BBS9: variants seen among roughly 807,000 people sequenced by gnomAD.
BBS9 encodes the protein Bardet-Biedl syndrome 9.
BBS9 carries 89 observed loss-of-function variants against 117.7 expected under a neutral mutation model. That is an observed-to-expected ratio of 0.76 (90% CI 0.64 to 0.90). BBS9 has a LOEUF of 0.90. BBS9 is among the 40% of genes least tolerant of loss of function. The pLI, the probability that BBS9 is intolerant of heterozygous loss-of-function variation, is 0.00. For missense variants in BBS9, 982 were observed against 1,042.2 expected (o/e 0.94, Z 0.80); for synonymous variants, 379 against 370.9 (o/e 1.02, Z -0.25).
chr7:33,204,514 A>G (rs1047502734), intron 5 of BBS9, among the ~76,000 whole-genome samples: 3 of 152,032 alleles, frequency 2.0e-5, no homozygotes, highest in Non-Finnish European at 2.9e-5. Context: ...GGAAGCTGTT[A>G]TCACTTCTAA....
intron 5 of BBS9, among the ~76,000 whole-genome samples, chr7:33,180,251 A>C (rs1797907224): frequency 6.6e-6 from 1 of 152,124 alleles, no homozygotes; most frequent in African/African-American, 2.4e-5. Context: ...AGTAGGGGGT[A>C]CCTGTGTCAG....
At chr7:33,296,305 C>T (rs184917119) in intron 9 of BBS9, among the ~76,000 whole-genome samples, 11 of 152,212 alleles carry the variant, frequency 7.2e-5, no homozygotes, top group African/African-American at 2.2e-4. Context: ...ATATCACATA[C>T]CGTATGTGTA....
chr7:33,493,818 C>T (rs1214740888), intron 19 of BBS9, among the ~76,000 whole-genome samples: 4 of 152,140 alleles, frequency 2.6e-5, no homozygotes, highest in Non-Finnish European at 5.9e-5. Context: ...ATTCGTGTAC[C>T]CTGTTCATGC....
chr7:33,370,700 C>T (rs76438768), intron 17 of BBS9, among the ~76,000 whole-genome samples: 4,061 of 152,176 alleles, frequency 0.027, 183 homozygotes, highest in African/African-American at 0.093. Flanking sequence ...TATATTCTTA[C>T]GCTGCTTTCC....
At chr7:33,279,142 C>T (rs962845603) in intron 9 of BBS9, among the ~76,000 whole-genome samples, 21 of 152,224 alleles carry the variant, frequency 1.4e-4, no homozygotes, top group Admixed American at 1.4e-3. Context: ...CCTCCTGTCT[C>T]AGGAGCCTCC....
At chr7:33,419,916 G>C (rs1208233779) in intron 19 of BBS9, among the ~76,000 whole-genome samples, 2 of 152,100 alleles carry the variant, frequency 1.3e-5, no homozygotes, top group African/African-American at 2.4e-5. Context: ...CAAAAAATTG[G>C]TGGTGGTGGG....
At chr7:33,471,844 C>T (rs1005023922) in intron 19 of BBS9, among the ~76,000 whole-genome samples, 1 of 152,148 alleles carries the variant, frequency 6.6e-6, no homozygotes, top group Non-Finnish European at 1.5e-5. Context: ...CATGAACTGC[C>T]ACCAGGTCAC....
intron 20 of BBS9, among the ~76,000 whole-genome samples, chr7:33,510,928 G>C (rs931540002): frequency 6.6e-6 from 1 of 152,190 alleles, no homozygotes; most frequent in African/African-American, 2.4e-5. Context: ...CATGGTGTTT[G>C]CATTTGCAGT....
At chr7:33,573,504 A>T (rs1301530424) in intron 21 of BBS9, among the ~76,000 whole-genome samples, 1 of 152,068 alleles carries the variant, frequency 6.6e-6, no homozygotes, top group Non-Finnish European at 1.5e-5. Context: ...TTCTTGTCTA[A>T]GCTTTATAGT....
At chr7:33,375,773 A>C (rs989925250) in intron 17 of BBS9, among the ~76,000 whole-genome samples, 6 of 151,822 alleles carry the variant, frequency 4.0e-5, no homozygotes, top group African/African-American at 1.5e-4. Flanking sequence ...TTTGTATATT[A>C]GTAAAGATGG....
rs12533703 is a variant in BBS9, at chr7:33,181,399, A to G, written c.442+3808A>G. Among the ~76,000 whole-genome samples the G allele has an allele frequency of 2.3e-4, 35 of 152,326 alleles. 1 individual carries two copies. Among genetic ancestry groups the G allele is most frequent in the Admixed American group, 2.0e-3 (31 of 15,300 alleles). On this transcript the variant is annotated intron_variant, in intron 5 of 22. Coordinates refer to ENST00000242067, the MANE Select transcript of BBS9 (RefSeq NM_198428.3). ...GATGTGAGGCACCATGCCCAGCCAA[A>G]TCTTTTATTATTTTTAATATAACTT...
chr7:33,553,085 C>G (rs1854706088), intron 21 of BBS9, among the ~76,000 whole-genome samples: 1 of 152,146 alleles, frequency 6.6e-6, no homozygotes, highest in African/African-American at 2.4e-5. Context: ...TCTCCTGTAC[C>G]CGCCCCACAC....
At chr7:33,402,364 T>C (rs1174521026) in intron 19 of BBS9, among the ~76,000 whole-genome samples, 2 of 152,164 alleles carry the variant, frequency 1.3e-5, no homozygotes, top group East Asian at 1.9e-4. Context: ...TTTATTGATA[T>C]ATAATTTGCA....
chr7:33,537,853 G>T (rs7798561), intron 21 of BBS9, among the ~76,000 whole-genome samples: 22,079 of 152,140 alleles, frequency 0.15, 1,754 homozygotes, highest in African/African-American at 0.21. Context: ...GTATACATGA[G>T]TGGGCCTAAC....
chr7:33,462,225 A>C (rs1284497941), intron 19 of BBS9, among the ~76,000 whole-genome samples: 1 of 152,100 alleles, frequency 6.6e-6, no homozygotes, highest in Non-Finnish European at 1.5e-5. Context: ...TTAAACATAT[A>C]AAATATTCCA....
chr7:33,134,215 ATTTT>A (rs59609414), intron 1 of BBS9, among the ~76,000 whole-genome samples: 18,588 of 118,118 alleles, frequency 0.16, 980 homozygotes, highest in South Asian at 0.22. Context: ...ACGCCTGGCT[ATTTT>A]TTTTTTTTTT....
At chr7:33,313,399 C>T (rs1332669163) in intron 9 of BBS9, among the ~76,000 whole-genome samples, 1 of 152,072 alleles carries the variant, frequency 6.6e-6, no homozygotes, top group African/African-American at 2.4e-5. Flanking sequence ...TATTTTGCTT[C>T]TGGAGTACGA....
intron 15 of BBS9, chr7:33,357,628 C>T: frequency 1.7e-6 from 1 of 598,626 alleles, no homozygotes; most frequent in East Asian, 3.1e-5. Flanking sequence ...AGACAGATCT[C>T]ATGTCTATGC....
chr7:33,516,931 G>A (rs1052584740), intron 20 of BBS9, among the ~76,000 whole-genome samples: 1 of 152,190 alleles, frequency 6.6e-6, no homozygotes, highest in Non-Finnish European at 1.5e-5. Context: ...GTGTTAACAG[G>A]AATATGTTTC....
Sources: allele counts gnomAD v4.1 joint callset (sites outside exome capture counted in the v4.1 genomes callset), GRCh38; gene constraint gnomAD v4.1.1; transcripts MANE v1.5; gene names NCBI Gene and HGNC (gene_info 2026-07-23, HGNC 2026-07-21).